The following LONRF2 variants were observed in gnomAD, a reference collection of about 807,000 sequenced individuals.
LONRF2 encodes the protein LON peptidase N-terminal domain and RING finger protein 2.
LONRF2 carries 35 observed loss-of-function variants against 66.6 expected under a neutral mutation model. That is an observed-to-expected ratio of 0.53 (90% CI 0.40 to 0.70). The LOEUF (loss-of-function observed/expected upper bound fraction) is 0.70. Ranked by LOEUF, LONRF2 falls within the 30% of genes least tolerant of loss-of-function variation. The probability of loss-of-function intolerance (pLI) is 0.00; values close to 1 mark genes in which losing one functional copy is unlikely to be tolerated. For synonymous variants in LONRF2, 417 were observed against 418.1 expected, an observed-to-expected ratio of 1.00 and a Z score of 0.03; for missense variants, 902 against 1,002.1, an observed-to-expected ratio of 0.90 and a Z score of 1.35.
Position 100,273,814 on chromosome 2 carries a change from C to T in LONRF2, c.*10484G>A, listed in dbSNP as rs1372518894. ...TAATTGGTAAAATCATTTCACAACT[C>T]TAAAATTAAGATGCTAATGACACCA... On this transcript the variant is annotated 3_prime_UTR_variant, in exon 12 of 12. Coordinates refer to ENST00000393437, the MANE Select transcript of LONRF2 (RefSeq NM_198461.4). 6.6e-6 allele frequency: 1 copy of T among 152,128 alleles called. No homozygotes were observed. The highest frequency in any genetic ancestry group is 2.4e-5 in the African/African-American group (1 of 41,420). The allele number at this position is 152,128 out of a possible 1,614,324, so 9.4% of individuals were successfully genotyped here.
chr2:100,290,108 AAAATAAACAAATAGAT>A, intron 10 of LONRF2, 134 bp downstream of exon 10: 1 of 777,372 alleles, frequency 1.3e-6, no homozygotes, highest in Non-Finnish European at 1.9e-6. Context: ...CCTTGACTCA[AAAATAAACAAATAGAT>A]AAATAAATAA....
At chr2:100,287,112 C>A (rs552004878) in intron 10 of LONRF2, 49 bp from the exon 11 acceptor site, 6 of 1,558,878 alleles carry the variant, frequency 3.8e-6, no homozygotes, top group Non-Finnish European at 5.2e-6. Context: ...CAGTAATGCA[C>A]GTAACACAGT....
At chr2:100,298,402 A>C (rs1416014624) in intron 7 of LONRF2, among the ~76,000 whole-genome samples, 1 of 152,216 alleles carries the variant, frequency 6.6e-6, no homozygotes, top group Non-Finnish European at 1.5e-5. Context: ...TTGATTTCAG[A>C]CCAAAGACAA....
chr2:100,322,144 A>G lies in LONRF2; in HGVS notation c.-51T>C. The G allele has an allele frequency of 8.3e-7, 1 of 1,204,938 alleles. No individual in the cohort carries two copies. Among genetic ancestry groups the G allele is most frequent in the Non-Finnish European group, 1.0e-6 (1 of 969,378 alleles). 74.6% of individuals were successfully genotyped at this position (1,204,938 alleles called of 1,614,324 possible). On this transcript the variant is annotated 5_prime_UTR_variant, in exon 1 of 12. Transcript: ENST00000393437. ...TCCGGAGCGAAGGCGCGGAGCAGGG[A>G]GGATGCGCTGCTGCTGGGAACTGGC...
At chr2:100,296,498 G>C in intron 7 of LONRF2, among the ~76,000 whole-genome samples, 1 of 152,184 alleles carries the variant, frequency 6.6e-6, no homozygotes, top group East Asian at 1.9e-4. Context: ...GTGGCCTGCT[G>C]CATTTCTGGG....
chr2:100,302,039 T>C (rs1327493886), intron 3 of LONRF2, among the ~76,000 whole-genome samples: 1 of 152,132 alleles, frequency 6.6e-6, no homozygotes, highest in East Asian at 1.9e-4. Flanking sequence ...TTCTTACTTT[T>C]AAAAAAGAGG....
chr2:100,288,870 C>T (rs985204945), intron 10 of LONRF2, among the ~76,000 whole-genome samples: 4 of 152,188 alleles, frequency 2.6e-5, no homozygotes, highest in African/African-American at 9.7e-5. Context: ...TTTACTGACT[C>T]AAGTGTGATC....
chr2:100,316,436 CCAT>C (rs1675510172), intron 1 of LONRF2, among the ~76,000 whole-genome samples: 1 of 144,352 alleles, frequency 6.9e-6, no homozygotes, highest in African/African-American at 2.9e-5. Flanking sequence ...TTCATTTTAC[CCAT>C]CATTATATAA....
chr2:100,284,615 G>T, intron 11 of LONRF2, 123 bp from the exon 12 acceptor site: 1 of 739,232 alleles, frequency 1.4e-6, no homozygotes, highest in Non-Finnish European at 2.1e-6. Context: ...GTATTTTAGG[G>T]CTAATTCACA....
chr2:100,292,869 T>G (rs1014045832), intron 9 of LONRF2, among the ~76,000 whole-genome samples: 1 of 152,168 alleles, frequency 6.6e-6, no homozygotes. Context: ...GTAAAGCTTT[T>G]TCCCCCCCTC....
chr2:100,283,164 A>C lies in LONRF2; in HGVS notation c.*1134T>G, dbSNP rs1476126516. The C allele has an allele frequency of 1.3e-4, 20 of 152,224 alleles. No individual in the cohort carries two copies. The highest frequency in any genetic ancestry group is 4.3e-4 in the African/African-American group (18 of 41,458). The allele number at this position is 152,224 out of a possible 1,614,324, so 9.4% of individuals were successfully genotyped here. On this transcript the variant is annotated 3_prime_UTR_variant, in exon 12 of 12. Coordinates refer to ENST00000393437, the MANE Select transcript of LONRF2 (RefSeq NM_198461.4). ...ACGTGCATTACAGGATGGAAGTCAT[A>C]CTACTGTCCTTTAACAGATAACACC...
chr2:100,316,447 T>C (rs1254190975), intron 1 of LONRF2, among the ~76,000 whole-genome samples: 1 of 151,140 alleles, frequency 6.6e-6, no homozygotes, highest in African/African-American at 2.5e-5. Context: ...CATCATTATA[T>C]AAAAATATAT....
chr2:100,316,963 A>G (rs1194306902), intron 1 of LONRF2, among the ~76,000 whole-genome samples: 1 of 152,138 alleles, frequency 6.6e-6, no homozygotes, highest in East Asian at 1.9e-4. Flanking sequence ...TCCTTGCCTT[A>G]AAGAATACTT....
At position 100,299,271 on chromosome 2, in the gene LONRF2, C is replaced by T. The variant is rs752670155; in HGVS notation, c.1316G>A (p.Gly439Glu). Residue 439 changes from glycine (G) to glutamate (E), a missense_variant, in exon 6 of 12, where the codon GGG becomes GAG. Around this residue, in one of 2 missense-constraint regions of LONRF2, gnomAD observed 317 missense variants for 432.2 expected, o/e 0.73. Coordinates refer to ENST00000393437, the MANE Select transcript of LONRF2 (RefSeq NM_198461.4). ...AAAGTCAGTTACATCAAGCGAGAGC[C>T]CCTGACTTTCTTCTGTCTCAGAGTT... Reference protein sequence around the residue: ...SPNSETEESQGLSLDVTDFEC... With the variant: ...SPNSETEESQELSLDVTDFEC... 1.9e-6 allele frequency: 3 copies of T among 1,594,484 alleles called. No homozygotes were observed. The highest frequency in any genetic ancestry group is 1.3e-5 in the African/African-American group (1 of 74,388).
rs1674606272 is a variant in LONRF2, at chr2:100,276,597, C to T, written c.*7701G>A. The T allele has an allele frequency of 6.6e-6, 1 of 152,140 alleles. No homozygotes were observed. Among genetic ancestry groups the T allele is most frequent in the Non-Finnish European group, 1.5e-5 (1 of 68,028 alleles). 9.4% of individuals were successfully genotyped at this position (152,140 alleles called of 1,614,324 possible). A position where few individuals can be genotyped will look rare whatever the true frequency, so the allele number is the denominator to read the frequency against. On this transcript the variant is annotated 3_prime_UTR_variant, in exon 12 of 12. Coordinates refer to ENST00000393437, the MANE Select transcript of LONRF2 (RefSeq NM_198461.4). Reference sequence around the variant, plus strand: ...TAATTAATAAAGGGGTGATTATACCCTTGTTTCTCCATTGAACAGCCCAAT... The same window carrying T: ...TAATTAATAAAGGGGTGATTATACCTTTGTTTCTCCATTGAACAGCCCAAT...
Position 100,321,779 on chromosome 2 carries a change from G to T in LONRF2, c.315C>A (p.Ala105=). 1 of 1,042,606 alleles carries T rather than the reference G, an allele frequency of 9.6e-7. No individual in the cohort carries two copies. Among genetic ancestry groups the T allele is most frequent in the South Asian group, 4.3e-5 (1 of 23,522 alleles). 64.6% of individuals were successfully genotyped at this position (1,042,606 alleles called of 1,614,324 possible). The change falls in exon 1 of 12, where the codon GCC becomes GCA. Residue 105 remains alanine (A), a synonymous_variant. Transcript: ENST00000393437. ...LEELAGGLVR[A]VGLRDRPLSA... ...ACAGCGGCCGGTCGCGCAGGCCCAC[G>T]GCGCGCACCAGGCCGCCCGCCAGCT...
At position 100,278,385 on chromosome 2, in the gene LONRF2, C is replaced by T. The variant is rs564413446; in HGVS notation, c.*5913G>A. 6.6e-6 allele frequency: 1 copy of T among 152,266 alleles called. No homozygotes were observed. Among genetic ancestry groups the T allele is most frequent in the South Asian group, 2.1e-4 (1 of 4,828 alleles). 9.4% of individuals were successfully genotyped at this position (152,266 alleles called of 1,614,324 possible). A position where few individuals can be genotyped will look rare whatever the true frequency, so the allele number is the denominator to read the frequency against. ...AGGGCTGGAGCCCAGAGAGAGAACA[C>T]ATTCTCTCCTGGACCCACTAACCCC... On this transcript the variant is annotated 3_prime_UTR_variant, in exon 12 of 12. Transcript: ENST00000393437.
intron 7 of LONRF2, among the ~76,000 whole-genome samples, chr2:100,296,109 T>A (rs1020775171): frequency 6.6e-6 from 1 of 151,878 alleles, no homozygotes; most frequent in Non-Finnish European, 1.5e-5. Flanking sequence ...AAGCGGGATG[T>A]GAAGGGAAGG....
At chr2:100,306,604 T>C (rs867314444) in intron 2 of LONRF2, among the ~76,000 whole-genome samples, 2 of 152,220 alleles carry the variant, frequency 1.3e-5, no homozygotes, top group Admixed American at 6.5e-5. Context: ...CCAAAAGCTT[T>C]GAATCATTAG....
Sources: allele counts gnomAD v4.1 joint callset (sites outside exome capture counted in the v4.1 genomes callset), GRCh38; gene constraint gnomAD v4.1.1; regional missense constraint gnomAD v4.1.1; transcripts MANE v1.5; gene names NCBI Gene and HGNC (gene_info 2026-07-23, HGNC 2026-07-21).